Variants in FMN2 observed in about 807,000 individuals in gnomAD.
The protein encoded by FMN2 is formin 2, also known as formin-2.
Under a neutral mutation model 142.3 loss-of-function variants are expected in FMN2, and 51 were observed. That is an observed-to-expected ratio of 0.36 (90% CI 0.29 to 0.45). The LOEUF (loss-of-function observed/expected upper bound fraction) is 0.45. Among genes scored for constraint, FMN2 ranks in the 20% least tolerant of loss-of-function variants. The pLI is 1.00. For synonymous variants in FMN2, 882 were observed against 869.8 expected (o/e 1.01, Z -0.25); for missense variants, 1,936 against 2,122.8 (o/e 0.91, Z 1.73).
chr1:240,204,919 G>T (rs1488371065), intron 4 of FMN2, among the ~76,000 whole-genome samples: 1 of 152,124 alleles, frequency 6.6e-6, no homozygotes, highest in Non-Finnish European at 1.5e-5. Context: ...TGTCTGTTCA[G>T]ATTTAATAAA....
At chr1:240,153,087 G>A (rs1663853168) in intron 2 of FMN2, among the ~76,000 whole-genome samples, 1 of 152,118 alleles carries the variant, frequency 6.6e-6, no homozygotes, top group Non-Finnish European at 1.5e-5. Context: ...ATCCCCAGGC[G>A]GGTCTGAGTC....
chr1:240,101,762 G>T (rs1005484896), intron 1 of FMN2, among the ~76,000 whole-genome samples: 7 of 150,922 alleles, frequency 4.6e-5, no homozygotes, highest in Non-Finnish European at 1.0e-4. Flanking sequence ...ACCCAGGCTG[G>T]TCTCGATAGG....
chr1:240,406,076 G>C (rs1337107665), intron 15 of FMN2, among the ~76,000 whole-genome samples: 1 of 132,314 alleles, frequency 7.6e-6, no homozygotes, highest in African/African-American at 3.2e-5. Flanking sequence ...CTCAGGAGTG[G>C]GGGGAGCGAA....
At chr1:240,121,965 A>G (rs78173027) in intron 1 of FMN2, among the ~76,000 whole-genome samples, 2,270 of 151,862 alleles carry the variant, frequency 0.015, 47 homozygotes, top group African/African-American at 0.052. Context: ...TCAGTCACTG[A>G]TATTTCTGAG....
chr1:240,379,991 A>G (rs974777072), intron 14 of FMN2, among the ~76,000 whole-genome samples: 1 of 152,136 alleles, frequency 6.6e-6, no homozygotes, highest in African/African-American at 2.4e-5. Flanking sequence ...TTAAAAAAAC[A>G]TATTGGTGGA....
At chr1:240,334,064 T>C in intron 12 of FMN2, 45 bp from the exon 13 acceptor site, 1 of 1,572,442 alleles carries the variant, frequency 6.4e-7, no homozygotes. Flanking sequence ...TTTTTTATAT[T>C]GATAACCAAT....
chr1:240,183,301 T>C (rs998566071), intron 3 of FMN2, among the ~76,000 whole-genome samples: 1 of 151,768 alleles, frequency 6.6e-6, no homozygotes, highest in African/African-American at 2.4e-5. Flanking sequence ...GGAGACTTGG[T>C]AGTATTCTAT....
chr1:240,462,157 C>T (rs1249905859), intron 16 of FMN2, among the ~76,000 whole-genome samples: 1 of 151,994 alleles, frequency 6.6e-6, no homozygotes, highest in Non-Finnish European at 1.5e-5. Flanking sequence ...TCTTTCTGGT[C>T]CACAGATATC....
At chr1:240,218,888 T>A (rs1289126155) in intron 6 of FMN2, among the ~76,000 whole-genome samples, 1 of 152,176 alleles carries the variant, frequency 6.6e-6, no homozygotes, top group Non-Finnish European at 1.5e-5. Context: ...ATCCTTCAGG[T>A]TCCATGCTAT....
At chr1:240,255,830 T>G (rs1263854686) in intron 6 of FMN2, among the ~76,000 whole-genome samples, 1 of 152,146 alleles carries the variant, frequency 6.6e-6, no homozygotes, top group African/African-American at 2.4e-5. Flanking sequence ...AAGTTGAAGA[T>G]GCAGACATGT....
intron 4 of FMN2, among the ~76,000 whole-genome samples, chr1:240,195,104 T>C (rs1665862853): frequency 6.6e-6 from 1 of 152,224 alleles, no homozygotes; most frequent in African/African-American, 2.4e-5. Context: ...TCATTATTCT[T>C]GGATTTGCAT....
At chr1:240,416,700 T>C (rs1674587162) in intron 15 of FMN2, among the ~76,000 whole-genome samples, 1 of 152,116 alleles carries the variant, frequency 6.6e-6, no homozygotes, top group Non-Finnish European at 1.5e-5. Flanking sequence ...AGGATGTTTC[T>C]CTATTTTATT....
chr1:240,165,350 AT>A, intron 2 of FMN2, among the ~76,000 whole-genome samples: 1 of 151,986 alleles, frequency 6.6e-6, no homozygotes, highest in East Asian at 1.9e-4. Context: ...AGATTTTAAA[AT>A]TTTTTGTAGG....
At chr1:240,460,340 C>T (rs901514420) in intron 16 of FMN2, among the ~76,000 whole-genome samples, 1 of 152,180 alleles carries the variant, frequency 6.6e-6, no homozygotes, top group Non-Finnish European at 1.5e-5. Context: ...GCCTGTAACA[C>T]CAGCACTTTG....
intron 2 of FMN2, 151 bp from the exon 3 acceptor site, chr1:240,177,770 C>A: frequency 3.4e-6 from 2 of 580,096 alleles, no homozygotes; most frequent in Non-Finnish European, 5.3e-6. Context: ...GGAATCTACA[C>A]TGAATAGTAT....
chr1:240,229,981 A>G lies in FMN2; in HGVS notation c.4065+18746A>G, dbSNP rs1270968980. On this transcript the variant is annotated intron_variant, in intron 6 of 17. Transcript: ENST00000319653. ...TTTGAAATATCAAGTTTTAGTAAAC[A>G]CATTTTAAGAAACTGTAGTATAAAC... Among the ~76,000 whole-genome samples, 4 of 130,348 alleles carry G rather than the reference A, an allele frequency of 3.1e-5. 1 individual carries two copies. The highest frequency in any genetic ancestry group is 6.4e-5 in the Non-Finnish European group (4 of 62,844). 85.5% of individuals were successfully genotyped at this position (130,348 alleles called of 152,430 possible). A position where few individuals can be genotyped will look rare whatever the true frequency, so the allele number is the denominator to read the frequency against.
intron 15 of FMN2, among the ~76,000 whole-genome samples, chr1:240,416,997 G>A (rs1461964034): frequency 6.6e-6 from 1 of 151,472 alleles, no homozygotes; most frequent in African/African-American, 2.4e-5. Flanking sequence ...TTGTTGTTCA[G>A]TTATAACTTT....
At chr1:240,345,698 G>T (rs1671887357) in intron 13 of FMN2, among the ~76,000 whole-genome samples, 1 of 152,042 alleles carries the variant, frequency 6.6e-6, no homozygotes, top group Non-Finnish European at 1.5e-5. Flanking sequence ...GGCCAGGCTG[G>T]ACTCGAACTC....
intron 6 of FMN2, among the ~76,000 whole-genome samples, chr1:240,231,292 T>A (rs1285727122): frequency 7.5e-6 from 1 of 132,698 alleles, no homozygotes; most frequent in Non-Finnish European, 1.6e-5. Context: ...AGCTTTTTCT[T>A]TTTAAAATGA....
Sources: gnomAD v4.1 joint callset for allele counts (sites outside exome capture counted in the v4.1 genomes callset) on GRCh38, gnomAD v4.1.1 for gene constraint, MANE v1.5 for transcripts, NCBI Gene and HGNC (gene_info 2026-07-23, HGNC 2026-07-21) for gene names.